Variants in GRIA1 observed in about 807,000 individuals in gnomAD.
The protein encoded by GRIA1 is glutamate ionotropic receptor AMPA type subunit 1, also known as glutamate receptor 1.
GRIA1 carries 31 observed loss-of-function variants against 99.2 expected under a neutral mutation model. The ratio of observed to expected loss-of-function variants is 0.31; its 90% CI spans 0.23 to 0.42. GRIA1 has a LOEUF of 0.42. GRIA1 is among the 10% of genes least tolerant of loss of function. The pLI is 1.00. For missense variants in GRIA1, 782 were observed against 1,157.5 expected (o/e 0.68, Z 4.71); for synonymous variants, 438 against 432.4 (o/e 1.01, Z -0.16).
intron 11 of GRIA1, among the ~76,000 whole-genome samples, chr5:153,725,229 A>C (rs570487128): frequency 6.6e-6 from 1 of 151,408 alleles, no homozygotes; most frequent in South Asian, 2.1e-4. Context: ...GCCTGCCCTA[A>C]AAGAGCTCCT....
intron 5 of GRIA1, among the ~76,000 whole-genome samples, chr5:153,662,065 G>C (rs568377414): frequency 6.6e-6 from 1 of 152,318 alleles, no homozygotes; most frequent in South Asian, 2.1e-4. Flanking sequence ...CATCACTTCT[G>C]ACTCTAATGC....
intron 12 of GRIA1, among the ~76,000 whole-genome samples, chr5:153,766,129 C>A (rs776875944): frequency 2.9e-4 from 44 of 152,316 alleles, no homozygotes; most frequent in Middle Eastern, 6.8e-3. Context: ...CCTTAAGCAT[C>A]ATTGATCCTA....
At chr5:153,700,177 G>A (rs919205331) in intron 10 of GRIA1, among the ~76,000 whole-genome samples, 2 of 152,144 alleles carry the variant, frequency 1.3e-5, no homozygotes, top group Non-Finnish European at 2.9e-5. Flanking sequence ...CTGAGGTCAG[G>A]AATTTGAGAC....
chr5:153,585,843 C>G (rs1266595297), intron 2 of GRIA1, among the ~76,000 whole-genome samples: 1 of 152,056 alleles, frequency 6.6e-6, no homozygotes, highest in African/African-American at 2.4e-5. Flanking sequence ...TAGTGACTAT[C>G]GCTATCATAA....
intron 11 of GRIA1, among the ~76,000 whole-genome samples, chr5:153,722,725 TA>T (rs1456668330): frequency 6.6e-6 from 1 of 152,226 alleles, no homozygotes; most frequent in African/African-American, 2.4e-5. Context: ...TAAGTCTTGA[TA>T]ACTGGTTCTG....
chr5:153,521,102 C>A (rs1055984183), intron 2 of GRIA1, among the ~76,000 whole-genome samples: 2 of 152,042 alleles, frequency 1.3e-5, no homozygotes, highest in Non-Finnish European at 2.9e-5. Context: ...ATGAAATGAG[C>A]GGAATCAAAA....
rs547962586 is a variant in GRIA1, at chr5:153,647,284, T to C, written c.460+117T>C. The C allele has an allele frequency of 1.3e-4, 169 of 1,260,712 alleles. No individual in the cohort carries two copies. In the South Asian group the frequency reaches 2.3e-3, roughly 17 times the overall value. The allele number at this position is 1,260,712 out of a possible 1,614,324, so 78.1% of individuals were successfully genotyped here. A position where few individuals can be genotyped will look rare whatever the true frequency, so the allele number is the denominator to read the frequency against. On this transcript the variant is annotated intron_variant, in intron 3 of 15. Transcript: ENST00000285900. The stretch of plus-strand genomic sequence containing the variant: ...AATATGGGAAAATTATCCAAAATGC[T>C]TTATTTCTGAGAAATCTGACTGATT...
chr5:153,567,800 A>G (rs933442345), intron 2 of GRIA1, among the ~76,000 whole-genome samples: 3 of 152,188 alleles, frequency 2.0e-5, no homozygotes, highest in African/African-American at 7.2e-5. Flanking sequence ...ACAAGGCTTT[A>G]GAGTGACAGT....
At chr5:153,703,243 A>G (rs1758657503) in intron 10 of GRIA1, among the ~76,000 whole-genome samples, 1 of 152,200 alleles carries the variant, frequency 6.6e-6, no homozygotes, top group South Asian at 2.1e-4. Context: ...AGGAAGATGA[A>G]TGACCCATGG....
At chr5:153,694,428 A>C (rs1757960632) in intron 8 of GRIA1, among the ~76,000 whole-genome samples, 1 of 152,234 alleles carries the variant, frequency 6.6e-6, no homozygotes, top group South Asian at 2.1e-4. Flanking sequence ...TTCAACAGCA[A>C]ATTGAAAACA....
At chr5:153,586,920 G>A (rs1245018181) in intron 2 of GRIA1, among the ~76,000 whole-genome samples, 1 of 152,188 alleles carries the variant, frequency 6.6e-6, no homozygotes, top group Non-Finnish European at 1.5e-5. Context: ...TTTCCAGACA[G>A]GGTCTTAACT....
At chr5:153,810,948 G>A in intron 15 of GRIA1, 77 bp from the exon 16 acceptor site, 1 of 992,068 alleles carries the variant, frequency 1.0e-6, no homozygotes, top group Non-Finnish European at 1.6e-6. Context: ...ATTTACATTT[G>A]AAGTCCAGTC....
intron 11 of GRIA1, among the ~76,000 whole-genome samples, chr5:153,751,098 CA>C (rs921023896): frequency 6.6e-6 from 1 of 151,636 alleles, no homozygotes; most frequent in East Asian, 1.9e-4. Context: ...GAGACTCTGT[CA>C]AAAAAAAGAG....
At chr5:153,535,879 C>G (rs1758521407) in intron 2 of GRIA1, among the ~76,000 whole-genome samples, 1 of 152,246 alleles carries the variant, frequency 6.6e-6, no homozygotes, top group African/African-American at 2.4e-5. Flanking sequence ...GTTACCTCTA[C>G]TGTCTCCCTC....
intron 11 of GRIA1, among the ~76,000 whole-genome samples, chr5:153,758,810 G>C (rs911756820): frequency 1.1e-4 from 16 of 151,820 alleles, no homozygotes; most frequent in Non-Finnish European, 2.1e-4. Flanking sequence ...ATATCACATA[G>C]AAAACGAGTA....
intron 11 of GRIA1, chr5:153,755,604 T>C (rs1411207429): frequency 1.3e-5 from 2 of 152,248 alleles, no homozygotes; most frequent in Non-Finnish European, 2.9e-5. Context: ...AAAACTCTGA[T>C]GCTGATCAGT....
intron 13 of GRIA1, among the ~76,000 whole-genome samples, chr5:153,791,925 C>T (rs1050848544): frequency 6.0e-5 from 9 of 149,052 alleles, no homozygotes; most frequent in African/African-American, 2.2e-4. Context: ...AAAAAAACTA[C>T]ACAGCATTGA....
At chr5:153,518,323 G>A (rs996896906) in intron 2 of GRIA1, among the ~76,000 whole-genome samples, 5 of 151,844 alleles carry the variant, frequency 3.3e-5, no homozygotes, top group Non-Finnish European at 7.4e-5. Flanking sequence ...CAGTGTAAGC[G>A]CCACAAGAAA....
chr5:153,523,764 A>C (rs1472593287), intron 2 of GRIA1, among the ~76,000 whole-genome samples: 1 of 152,198 alleles, frequency 6.6e-6, no homozygotes, highest in Admixed American at 6.5e-5. Context: ...GACTGTCCTC[A>C]TCATAGCTGT....
Sources: allele counts gnomAD v4.1 joint callset (sites outside exome capture counted in the v4.1 genomes callset), GRCh38; gene constraint gnomAD v4.1.1; transcripts MANE v1.5; gene names NCBI Gene and HGNC (gene_info 2026-07-23, HGNC 2026-07-21).